OTC: variants seen among roughly 807,000 people sequenced by gnomAD.
OTC encodes the protein ornithine transcarbamylase.
A neutral mutation model predicts 30.3 loss-of-function variants in OTC; 3 were observed. The ratio of observed to expected loss-of-function variants is 0.10; its 90% CI spans 0.05 to 0.26. The LOEUF (loss-of-function observed/expected upper bound fraction) is 0.26. OTC is among the 10% of genes least tolerant of loss of function. The pLI, the probability that OTC is intolerant of heterozygous loss-of-function variation, is 1.00. For synonymous variants in OTC, 111 were observed against 99.7 expected, an observed-to-expected ratio of 1.11 and a Z score of -0.67; for missense variants, 194 against 260.3, an observed-to-expected ratio of 0.75 and a Z score of 1.75.
At chrX:38,365,849 T>TA (rs1657547650) in intron 1 of OTC, among the ~76,000 whole-genome samples, 1 of 111,795 alleles carries the variant, frequency 8.9e-6, no homozygotes, top group Non-Finnish European at 1.9e-5. Flanking sequence ...GGGAATGAGA[T>TA]AAAAAAGACC....
At chrX:38,337,252 G>C in the OTC span, among the ~76,000 whole-genome samples, 1 of 112,017 alleles carries the variant, frequency 8.9e-6, no homozygotes, top group Non-Finnish European at 1.9e-5. Flanking sequence ...GTTTTCCTTG[G>C]CTGCTCTTTA....
intron 1 of OTC, among the ~76,000 whole-genome samples, chrX:38,357,689 G>A (rs893238554): frequency 8.9e-6 from 1 of 112,462 alleles, no homozygotes; most frequent in Admixed American, 9.4e-5. Context: ...AGCAATGAAA[G>A]GCTTCATTCT....
At chrX:38,350,851 A>G (rs923107798), upstream of OTC, among the ~76,000 whole-genome samples, 3 of 111,142 alleles carry the variant, frequency 2.7e-5, no homozygotes, top group Non-Finnish European at 3.8e-5. Flanking sequence ...GTGTATGGCT[A>G]GCACAGTTCA....
At chrX:38,421,002 C>T in intron 9 of OTC, 21 bp from the exon 10 acceptor site, 1 of 1,168,129 alleles carries the variant, frequency 8.6e-7, no homozygotes, top group South Asian at 1.8e-5. Flanking sequence ...CCATTTCTTT[C>T]TTTCTTTGTT....
At position 38,415,374 on chromosome X, in the gene OTC, C is replaced by T. The variant is rs886952239; in HGVS notation, c.1005+3375C>T. Among the ~76,000 whole-genome samples the T allele has an allele frequency of 2.7e-5, 3 of 110,127 alleles. No individual in the cohort carries two copies. In the East Asian group the frequency reaches 8.6e-4, roughly 32 times the overall value. On this transcript the variant is annotated intron_variant, in intron 9 of 9. Coordinates refer to ENST00000039007, the MANE Select transcript of OTC (RefSeq NM_000531.6). ...GATTATAGGTGTGAGCCACCACAGCCGGCCGCAAATAAATTATTCTTATAC... is the reference window on the plus strand; with the variant it reads ...GATTATAGGTGTGAGCCACCACAGCTGGCCGCAAATAAATTATTCTTATAC...
In OTC at chrX:38,403,607, G is replaced by A. The variant is rs374923521; in HGVS notation, c.541-11G>A. The A allele has an allele frequency of 4.8e-5, 58 of 1,207,016 alleles. No homozygotes were observed. Among genetic ancestry groups the A allele is most frequent in the African/African-American group, 1.1e-4 (6 of 57,116 alleles). ...GCCTGGATTTCATCTCCTTCATCCC[G>A]TGCCTTTTAGGAACACTATAGCTCT... On this transcript the variant is annotated splice_polypyrimidine_tract_variant and intron_variant, in intron 5 of 9. Transcript: ENST00000039007.
chrX:38,405,771 G>C lies in OTC; in HGVS notation c.663+2031G>C, dbSNP rs776578778. 5.4e-5 allele frequency among the ~76,000 whole-genome samples: 6 copies of C among 111,721 alleles called. No homozygotes were observed. The South Asian group carries it at 1.5e-3, about 28-fold the overall frequency. ...GTGAACTGAAATAAGGGTCAGATCC[G>C]ATATGTGCTTAAAGCGGCTTTTATT... On this transcript the variant is annotated intron_variant, in intron 6 of 9. Transcript: ENST00000039007.
intron 4 of OTC, among the ~76,000 whole-genome samples, chrX:38,397,260 A>G (rs996221429): frequency 1.8e-5 from 2 of 111,795 alleles, no homozygotes; most frequent in African/African-American, 6.5e-5. Context: ...ATTTCATTTC[A>G]TGATCTTTAT....
At chrX:38,374,431 T>C (rs1279245289) in intron 3 of OTC, among the ~76,000 whole-genome samples, 1 of 110,433 alleles carries the variant, frequency 9.1e-6, no homozygotes, top group Non-Finnish European at 1.9e-5. Flanking sequence ...CTTGTGCTTT[T>C]GGGCTGGGAT....
chrX:38,366,637 T>C (rs1307853637), intron 1 of OTC, among the ~76,000 whole-genome samples: 1 of 112,262 alleles, frequency 8.9e-6, no homozygotes, highest in African/African-American at 3.2e-5. Context: ...AAGATTATTA[T>C]AGTAATTTTC....
At chrX:38,393,362 T>C (rs763079864) in intron 4 of OTC, among the ~76,000 whole-genome samples, 13 of 112,421 alleles carry the variant, frequency 1.2e-4, no homozygotes, top group Non-Finnish European at 2.4e-4. Flanking sequence ...ACAACAAAAC[T>C]GGGCACAAAG....
chrX:38,372,351 G>T (rs1288684599), intron 3 of OTC, among the ~76,000 whole-genome samples: 1 of 111,385 alleles, frequency 9.0e-6, no homozygotes, highest in Non-Finnish European at 1.9e-5. Flanking sequence ...TGGCTCAAAG[G>T]CACGTACCTA....
chrX:38,379,412 A>G (rs2068365183), intron 3 of OTC, among the ~76,000 whole-genome samples: 1 of 111,528 alleles, frequency 9.0e-6, no homozygotes, highest in African/African-American at 3.3e-5. Context: ...TTGTCAGACT[A>G]AGGGATTCAA....
At chrX:38,395,914 C>T (rs189779303) in intron 4 of OTC, 2 of 110,575 alleles carry the variant, frequency 1.8e-5, no homozygotes, top group South Asian at 3.9e-4. Context: ...GTCCCCTGAA[C>T]GTTTAGGCAG....
intron 3 of OTC, among the ~76,000 whole-genome samples, chrX:38,370,172 C>T (rs1270634352): frequency 8.9e-6 from 1 of 112,688 alleles, no homozygotes; most frequent in Non-Finnish European, 1.9e-5. Context: ...AGGCCTTGAA[C>T]TCACGTGGGT....
chrX:38,379,196 GTCT>G (rs1326553027), intron 3 of OTC, among the ~76,000 whole-genome samples: 2 of 111,791 alleles, frequency 1.8e-5, no homozygotes, highest in Non-Finnish European at 1.9e-5. Context: ...TAGGCAAACT[GTCT>G]TCTTTTTCAG....
the OTC span, among the ~76,000 whole-genome samples, chrX:38,330,265 C>T: frequency 9.0e-6 from 1 of 111,720 alleles, no homozygotes; most frequent in Admixed American, 9.5e-5. Context: ...TGGATGCTCC[C>T]CAAGAGTCTC....
At chrX:38,339,076 G>T in the OTC span, among the ~76,000 whole-genome samples, 1 of 112,032 alleles carries the variant, frequency 8.9e-6, no homozygotes, top group Non-Finnish European at 1.9e-5. Flanking sequence ...GCCAGGCAAT[G>T]AAAACTTATT....
At chrX:38,382,183 A>G (rs776010541) in intron 4 of OTC, among the ~76,000 whole-genome samples, 2 of 111,649 alleles carry the variant, frequency 1.8e-5, no homozygotes, top group Non-Finnish European at 3.8e-5. Context: ...CTTATATTTC[A>G]TTAGGAAGTA....
Sources: allele counts gnomAD v4.1 joint callset (sites outside exome capture counted in the v4.1 genomes callset), GRCh38; gene constraint gnomAD v4.1.1; transcripts MANE v1.5; gene names NCBI Gene and HGNC (gene_info 2026-07-23, HGNC 2026-07-21).